The following COL23A1 variants were observed in gnomAD, a reference collection of about 807,000 sequenced individuals.
The protein encoded by COL23A1 is collagen type XXIII alpha 1 chain.
COL23A1 carries 97 observed loss-of-function variants against 99.3 expected under a neutral mutation model. The observed-to-expected ratio is 0.98, with a 90% CI of 0.83 to 1.16. The LOEUF (loss-of-function observed/expected upper bound fraction) is 1.16, where lower values mean the gene tolerates loss of function less well. Ranked by LOEUF, COL23A1 falls within the 50% of genes most tolerant of loss-of-function variation. The pLI is 0.00. For missense variants in COL23A1, 762 were observed against 757.4 expected, an observed-to-expected ratio of 1.01 and a Z score of -0.07; for synonymous variants, 320 against 308.2, an observed-to-expected ratio of 1.04 and a Z score of -0.40.
At position 178,373,054 on chromosome 5, in the gene COL23A1, G is replaced by A. The variant is rs139973459; in HGVS notation, c.362-66135C>T. 4.9e-3 allele frequency among the ~76,000 whole-genome samples: 737 copies of A among 150,066 alleles called. 5 individuals are homozygous for A. Among genetic ancestry groups the A allele is most frequent in the African/African-American group, 0.017 (689 of 40,868 alleles). On this transcript the variant is annotated intron_variant, in intron 2 of 28. Transcript: ENST00000390654. ...AGCGATTCTCCTGCCTCAGCCTCCCGAGTACAGCTTCAGATTTCTGAGAAG... is the reference window on the plus strand; with the variant it reads ...AGCGATTCTCCTGCCTCAGCCTCCCAAGTACAGCTTCAGATTTCTGAGAAG...
At chr5:178,379,483 C>T (rs935305203) in intron 2 of COL23A1, among the ~76,000 whole-genome samples, 7 of 152,300 alleles carry the variant, frequency 4.6e-5, no homozygotes, top group Middle Eastern at 3.4e-3. Context: ...CAGCCTTTGA[C>T]ACATTATTCT....
rs78286197 is a variant in COL23A1, at chr5:178,455,748, C to T, written c.361+104934G>A. On this transcript the variant is annotated intron_variant, in intron 2 of 28. Transcript: ENST00000390654. ...TGCCCACCCATCCCACCAGGCTCCA[C>T]GAGGAGGTCAGAGCGGAGGACCAGC... Among the ~76,000 whole-genome samples the T allele has an allele frequency of 2.9e-3, 446 of 152,098 alleles. 1 individual carries two copies. Among genetic ancestry groups the T allele is most frequent in the South Asian group, 0.016 (77 of 4,820 alleles).
Position 178,307,872 on chromosome 5 carries a change from C to T in COL23A1, c.362-953G>A, listed in dbSNP as rs1327308998. Among the ~76,000 whole-genome samples the T allele has an allele frequency of 2.0e-5, 3 of 152,194 alleles. No individual in the cohort carries two copies. Among genetic ancestry groups the T allele is most frequent in the Non-Finnish European group, 4.4e-5 (3 of 68,040 alleles). The stretch of plus-strand genomic sequence containing the variant: ...AGGCGACAGTGGGACAGGTTGTGAC[C>T]CTATGACAAGGCACTGCCCTTTCCT... On this transcript the variant is annotated intron_variant, in intron 2 of 28. Coordinates refer to ENST00000390654, the MANE Select transcript of COL23A1 (RefSeq NM_173465.4). This position sits in a 1 kb window ranked among gnomAD's most constrained non-coding sequence, Gnocchi z 4.2.
chr5:178,531,104 T>C (rs960806283), intron 2 of COL23A1, among the ~76,000 whole-genome samples: 2 of 152,128 alleles, frequency 1.3e-5, no homozygotes, highest in Admixed American at 6.5e-5. Flanking sequence ...CAACCTCAGG[T>C]AATCCACTTG....
rs909906309 is a variant in COL23A1, at chr5:178,585,485, A to G, written c.294+4419T>C. On this transcript the variant is annotated intron_variant, in intron 1 of 28. Transcript: ENST00000390654. ...GTTGATGCTGGGGGTAACACTCCAC[A>G]GCCCTGGATGACGCTGGAGTAACAC... 1.3e-3 allele frequency among the ~76,000 whole-genome samples: 178 copies of G among 142,316 alleles called. 1 individual carries two copies. The highest frequency in any genetic ancestry group is 4.2e-3 in the African/African-American group (151 of 36,018). 93.4% of individuals were successfully genotyped at this position (142,316 alleles called of 152,430 possible). A position where few individuals can be genotyped will look rare whatever the true frequency, so the allele number is the denominator to read the frequency against.
intron 2 of COL23A1, among the ~76,000 whole-genome samples, chr5:178,447,612 G>A (rs1767235382): frequency 6.6e-6 from 1 of 152,184 alleles, no homozygotes; most frequent in Non-Finnish European, 1.5e-5. Context: ...GCCTAGGTGT[G>A]TAGTAGGTTC....
chr5:178,322,754 C>T (rs967800326), intron 2 of COL23A1, among the ~76,000 whole-genome samples: 6 of 152,226 alleles, frequency 3.9e-5, no homozygotes, highest in African/African-American at 1.2e-4. Context: ...GGGACACCCA[C>T]GGGAGGCCCT....
chr5:178,327,550 A>G (rs903204132), intron 2 of COL23A1, among the ~76,000 whole-genome samples: 1 of 152,098 alleles, frequency 6.6e-6, no homozygotes, highest in African/African-American at 2.4e-5. Context: ...CCACTCCCTT[A>G]GTGATTCCTA....
chr5:178,491,751 T>C (rs1757946814), intron 2 of COL23A1, among the ~76,000 whole-genome samples: 1 of 152,164 alleles, frequency 6.6e-6, no homozygotes, highest in African/African-American at 2.4e-5. Context: ...ATTAATTATT[T>C]TGAGAGAGAG....
rs946928214 is a variant in COL23A1, at chr5:178,415,828, C to T, written c.362-108909G>A. Among the ~76,000 whole-genome samples the T allele has an allele frequency of 6.6e-6, 1 of 152,104 alleles. No individual in the cohort carries two copies. Among genetic ancestry groups the T allele is most frequent in the African/African-American group, 2.4e-5 (1 of 41,418 alleles). Reference sequence around the variant, plus strand: ...AAAGACTGAAAACTCCTCGAGGGCACAACTGCAGACATCAGGGGCAGGATA... The same window carrying T: ...AAAGACTGAAAACTCCTCGAGGGCATAACTGCAGACATCAGGGGCAGGATA... On this transcript the variant is annotated intron_variant, in intron 2 of 28. Transcript: ENST00000390654. This position sits in a 1 kb window ranked among gnomAD's most constrained non-coding sequence, Gnocchi z 4.6.
intron 2 of COL23A1, among the ~76,000 whole-genome samples, chr5:178,535,549 GCT>G (rs1760892986): frequency 6.6e-6 from 1 of 152,284 alleles, no homozygotes; most frequent in Admixed American, 6.5e-5. Context: ...CCAGCTGGCG[GCT>G]CACAGGGAAC....
chr5:178,273,941 G>C (rs974907250), intron 5 of COL23A1, among the ~76,000 whole-genome samples: 3 of 152,194 alleles, frequency 2.0e-5, no homozygotes, highest in African/African-American at 7.2e-5. Flanking sequence ...GAGGACCCTG[G>C]GCTGTGAACC....
At chr5:178,244,874 G>C (rs971227617) in intron 25 of COL23A1, among the ~76,000 whole-genome samples, 5 of 152,176 alleles carry the variant, frequency 3.3e-5, no homozygotes, top group Admixed American at 2.0e-4. Context: ...CTGTCACCAG[G>C]ATATTGCAAC....
chr5:178,557,946 G>C (rs974472638), intron 2 of COL23A1, among the ~76,000 whole-genome samples: 1 of 151,930 alleles, frequency 6.6e-6, no homozygotes, highest in South Asian at 2.1e-4. Flanking sequence ...GGCTAGGGTC[G>C]TCATGCTGCA....
At chr5:178,549,642 C>T (rs565510446) in intron 2 of COL23A1, among the ~76,000 whole-genome samples, 1 of 152,062 alleles carries the variant, frequency 6.6e-6, no homozygotes, top group African/African-American at 2.4e-5. Context: ...ATGGTGAAAC[C>T]CTGTCTCTAC....
chr5:178,330,055 G>T (rs534702897), intron 2 of COL23A1, among the ~76,000 whole-genome samples: 1 of 152,202 alleles, frequency 6.6e-6, no homozygotes, highest in East Asian at 1.9e-4. Context: ...GGCGGCGGAG[G>T]CCTGGGTAGC....
intron 2 of COL23A1, among the ~76,000 whole-genome samples, chr5:178,495,000 C>G (rs559791514): frequency 6.6e-6 from 1 of 152,270 alleles, no homozygotes; most frequent in African/African-American, 2.4e-5. Context: ...AATGACATGC[C>G]CATAGTCAGA....
chr5:178,428,565 C>T lies in COL23A1; in HGVS notation c.362-121646G>A, dbSNP rs566013845. ...TGCCCAGCGGGGCCTCTTGGATGCT[C>T]CTCCTGGCTGGCAGCCCCTGCCCGG... On this transcript the variant is annotated intron_variant, in intron 2 of 28. Transcript: ENST00000390654. The surrounding 1 kb of genome is among the most constrained non-coding windows in gnomAD (Gnocchi z 5.0). Among the ~76,000 whole-genome samples the T allele has an allele frequency of 6.6e-6, 1 of 152,356 alleles. No homozygotes were observed. The highest frequency in any genetic ancestry group is 1.9e-4 in the East Asian group (1 of 5,180).
intron 1 of COL23A1, among the ~76,000 whole-genome samples, chr5:178,568,872 C>T (rs1360879619): frequency 2.0e-5 from 3 of 152,316 alleles, no homozygotes; most frequent in Middle Eastern, 3.4e-3. Context: ...CTGTTGTGTA[C>T]GGCGCTGCTG....
Sources: gnomAD v4.1 joint callset for allele counts (sites outside exome capture counted in the v4.1 genomes callset) on GRCh38, gnomAD v4.1.1 for gene constraint, Gnocchi (gnomAD v3.1) non-coding constraint, MANE v1.5 for transcripts, NCBI Gene and HGNC (gene_info 2026-07-23, HGNC 2026-07-21) for gene names.